SSH2: variants seen among roughly 807,000 people sequenced by gnomAD.
SSH2 encodes protein phosphatase Slingshot homolog 2.
In SSH2, 37 loss-of-function variants were observed where a neutral mutation model predicts 135.2. That is an observed-to-expected ratio of 0.27 (90% confidence interval 0.21 to 0.36). The LOEUF is 0.36. SSH2 is among the 10% of genes least tolerant of loss of function. The pLI, the probability that SSH2 is intolerant of heterozygous loss-of-function variation, is 1.00. For missense variants in SSH2, 1,408 were observed against 1,765.3 expected (o/e 0.80, Z 3.63); for synonymous variants, 628 against 646.2 (o/e 0.97, Z 0.43).
At chr17:29,824,318 G>A (rs1471130198) in intron 2 of SSH2, among the ~76,000 whole-genome samples, 1 of 152,172 alleles carries the variant, frequency 6.6e-6, no homozygotes, top group Non-Finnish European at 1.5e-5. Context: ...ATGCCATCCT[G>A]ATTGTGTCAG....
At chr17:29,792,725 G>T (rs921608968) in intron 3 of SSH2, among the ~76,000 whole-genome samples, 1 of 152,212 alleles carries the variant, frequency 6.6e-6, no homozygotes, top group African/African-American at 2.4e-5. Context: ...AGCCCAAGCT[G>T]GAGTGCAGTG....
chr17:29,925,325 G>A (rs1026705845), intron 1 of SSH2: 3 of 387,628 alleles, frequency 7.7e-6, no homozygotes, highest in African/African-American at 6.2e-5. Context: ...AGGAGATGAT[G>A]GTCAAAGGGT....
chr17:29,798,547 A>G (rs1255153061), intron 2 of SSH2, among the ~76,000 whole-genome samples: 6 of 152,130 alleles, frequency 3.9e-5, no homozygotes. Flanking sequence ...GAACATCATA[A>G]CCATTATGAT....
In SSH2 at chr17:29,915,827, T is replaced by A. The variant is rs991674300; in HGVS notation, c.63+14111A>T. 5.9e-5 allele frequency among the ~76,000 whole-genome samples: 9 copies of A among 151,690 alleles called. No homozygotes were observed. The South Asian group carries it at 1.2e-3, about 21-fold the overall frequency. ...ACAAAAATTTATTTTTTTAAATTTTTTATATATATATTTTTATTATACTTT... is the reference window on the plus strand; with the variant it reads ...ACAAAAATTTATTTTTTTAAATTTTATATATATATATTTTTATTATACTTT... On this transcript the variant is annotated intron_variant, in intron 1 of 15. Transcript: ENST00000540801.
rs1042034628 is a variant in SSH2 at position 29,628,059 on chromosome 17, G to A, written c.*2782C>T. 5 of 126,004 alleles carry A rather than the reference G, an allele frequency of 4.0e-5. No homozygotes were observed. The highest frequency in any genetic ancestry group is 2.0e-4 in the African/African-American group (5 of 25,632). 7.8% of individuals were successfully genotyped at this position (126,004 alleles called of 1,614,324 possible). ...GGTCATGAACAAAAGAAAAGGGAAA[G>A]ATGCCACTGGAGATTATAAAAGTCT... On this transcript the variant is annotated 3_prime_UTR_variant, in exon 16 of 16. Coordinates refer to ENST00000540801, the MANE Select transcript of SSH2 (RefSeq NM_001282129.2).
chr17:29,784,465 C>T (rs572957320), intron 3 of SSH2, among the ~76,000 whole-genome samples: 8 of 151,512 alleles, frequency 5.3e-5, no homozygotes, highest in Non-Finnish European at 8.8e-5. Context: ...GGTGTGGTGA[C>T]GGGTGCCTGT....
At chr17:29,803,261 G>A (rs1423837480) in intron 2 of SSH2, among the ~76,000 whole-genome samples, 1 of 152,172 alleles carries the variant, frequency 6.6e-6, no homozygotes, top group Non-Finnish European at 1.5e-5. Context: ...AGTTCTACAT[G>A]GTATTGCTAA....
At chr17:29,657,338 C>T (rs891696091) in intron 11 of SSH2, among the ~76,000 whole-genome samples, 1 of 150,106 alleles carries the variant, frequency 6.7e-6, no homozygotes, top group Non-Finnish European at 1.5e-5. Context: ...GGCACAATCT[C>T]GGCTCACTGC....
chr17:29,732,312 G>A (rs1170094846), intron 3 of SSH2, among the ~76,000 whole-genome samples: 1 of 152,214 alleles, frequency 6.6e-6, no homozygotes, highest in Non-Finnish European at 1.5e-5. Flanking sequence ...TTATTCTAAA[G>A]AACATAAGGT....
In SSH2 at chr17:29,629,150, G is replaced by A. The variant is rs1434279460; in HGVS notation, c.*1691C>T. 1 of 152,326 alleles carries A rather than the reference G, an allele frequency of 6.6e-6. No individual in the cohort carries two copies. Among genetic ancestry groups the A allele is most frequent in the East Asian group, 1.9e-4 (1 of 5,204 alleles). The allele number at this position is 152,326 out of a possible 1,614,324, so 9.4% of individuals were successfully genotyped here. On this transcript the variant is annotated 3_prime_UTR_variant, in exon 16 of 16. Coordinates refer to ENST00000540801, the MANE Select transcript of SSH2 (RefSeq NM_001282129.2). ...AGACTAAATCTGTTTTCTGTAAGAA[G>A]CTACAAGAGGCTTGTTTATGACAGG...
At chr17:29,772,572 G>T (rs1441743114) in intron 3 of SSH2, among the ~76,000 whole-genome samples, 3 of 152,056 alleles carry the variant, frequency 2.0e-5, no homozygotes, top group Non-Finnish European at 2.9e-5. Context: ...TTACTTCTGG[G>T]TTTGTCTCTG....
intron 3 of SSH2, chr17:29,776,531 ATT>A (rs1257472433): frequency 1.3e-5 from 2 of 152,220 alleles, no homozygotes; most frequent in Non-Finnish European, 2.9e-5. Flanking sequence ...GTTTATTTTC[ATT>A]CAAGAATCAT....
intron 3 of SSH2, chr17:29,777,639 A>C (rs1253684203): frequency 1.3e-5 from 2 of 153,046 alleles, no homozygotes; most frequent in East Asian, 3.8e-4. Context: ...CTACTGGTTG[A>C]TCTTACATTT....
At position 29,795,895 on chromosome 17, in the gene SSH2, C is replaced by T. The variant is rs560280159; in HGVS notation, c.145-1958G>A. On this transcript the variant is annotated intron_variant, in intron 2 of 15. Transcript: ENST00000540801. Reference sequence around the variant, plus strand: ...TAGCTGGGACTACAGGTGCCCGCCACCATGCCTGGCTAATTTTTGTATTTT... The same window carrying T: ...TAGCTGGGACTACAGGTGCCCGCCATCATGCCTGGCTAATTTTTGTATTTT... Among the ~76,000 whole-genome samples, 5 of 152,264 alleles carry T rather than the reference C, an allele frequency of 3.3e-5. No homozygotes were observed. In the South Asian group the frequency reaches 1.0e-3, roughly 32 times the overall value.
chr17:29,790,324 T>C lies in SSH2; in HGVS notation c.188+3570A>G, dbSNP rs1203581514. On this transcript the variant is annotated intron_variant, in intron 3 of 15. Coordinates refer to ENST00000540801, the MANE Select transcript of SSH2 (RefSeq NM_001282129.2). ...CCAGAACGTGCTCTCTCTTTCTTTC[T>C]CCCCACCAAGTAAGAACACTGAGAG... Among the ~76,000 whole-genome samples, 4 of 152,078 alleles carry C rather than the reference T, an allele frequency of 2.6e-5. No individual in the cohort carries two copies. The East Asian group carries it at 7.7e-4, about 29-fold the overall frequency.
intron 3 of SSH2, among the ~76,000 whole-genome samples, chr17:29,738,124 G>A (rs1301919802): frequency 6.6e-6 from 1 of 152,158 alleles, no homozygotes; most frequent in African/African-American, 2.4e-5. Flanking sequence ...TCCCCACCCT[G>A]TGTCCAAGTG....
At chr17:29,906,686 A>C (rs2066659330) in intron 1 of SSH2, among the ~76,000 whole-genome samples, 1 of 152,198 alleles carries the variant, frequency 6.6e-6, no homozygotes, top group Non-Finnish European at 1.5e-5. Context: ...AAACAACCCC[A>C]TTTAAAAAGT....
intron 5 of SSH2, among the ~76,000 whole-genome samples, chr17:29,694,223 A>G (rs1313493071): frequency 6.6e-6 from 1 of 152,226 alleles, no homozygotes; most frequent in Non-Finnish European, 1.5e-5. Context: ...GGAAATGTAA[A>G]TAAGGAAAGT....
At chr17:29,884,099 C>T (rs978116741) in intron 1 of SSH2, among the ~76,000 whole-genome samples, 3 of 152,094 alleles carry the variant, frequency 2.0e-5, no homozygotes, top group Non-Finnish European at 4.4e-5. Context: ...CAGGTGTGAG[C>T]CACTACACCT....
Sources: allele counts gnomAD v4.1 joint callset (sites outside exome capture counted in the v4.1 genomes callset), GRCh38; gene constraint gnomAD v4.1.1; transcripts MANE v1.5; gene names NCBI Gene and HGNC (gene_info 2026-07-23, HGNC 2026-07-21).